Variants in NRG3 observed in about 807,000 individuals in gnomAD.
The protein encoded by NRG3 is pro-neuregulin-3, membrane-bound isoform.
Under a neutral mutation model 66.9 loss-of-function variants are expected in NRG3, and 31 were observed. That is an observed-to-expected ratio of 0.46 (90% CI 0.35 to 0.63). The LOEUF (loss-of-function observed/expected upper bound fraction) is 0.63. Ranked by LOEUF, NRG3 falls within the 20% of genes least tolerant of loss-of-function variation. The pLI is 0.00. For missense variants in NRG3, 910 were observed against 878.9 expected (o/e 1.04, Z -0.45); for synonymous variants, 393 against 359.4 (o/e 1.09, Z -1.06).
chr10:81,978,859 C>A (rs901346751), intron 1 of NRG3, among the ~76,000 whole-genome samples: 5 of 152,004 alleles, frequency 3.3e-5, no homozygotes, highest in African/African-American at 1.2e-4. Flanking sequence ...CCTGGCCCAG[C>A]ATCTTATGTT....
chr10:82,408,747 A>G (rs970055457), intron 2 of NRG3, among the ~76,000 whole-genome samples: 3 of 151,462 alleles, frequency 2.0e-5, no homozygotes, highest in African/African-American at 7.3e-5. Context: ...TATTTATGTA[A>G]GGTAGATACC....
At chr10:82,791,568 A>G (rs1233518528) in intron 3 of NRG3, among the ~76,000 whole-genome samples, 1 of 152,154 alleles carries the variant, frequency 6.6e-6, no homozygotes, top group East Asian at 1.9e-4. Flanking sequence ...AGGATTCAAG[A>G]TCAGACAGAG....
chr10:81,877,664 C>A (rs1841796844), intron 1 of NRG3: 1 of 1,254,982 alleles, frequency 8.0e-7, no homozygotes, highest in Non-Finnish European at 1.0e-6. Flanking sequence ...TGGAAAAAAC[C>A]GTCTAGAAGA....
chr10:82,197,694 A>T lies in NRG3; in HGVS notation c.824-161045A>T, dbSNP rs2074519831. ...ACACCAGATGTTGAAAGAGCATAGG[A>T]AGGACCATGTGATATTTATCTTAAG... is the stretch of plus-strand genomic sequence containing the variant. On this transcript the variant is annotated intron_variant, in intron 1 of 8. Transcript: ENST00000372141. 2.0e-5 allele frequency among the ~76,000 whole-genome samples: 3 copies of T among 152,158 alleles called. No homozygotes were observed. In the South Asian group the frequency reaches 6.2e-4, roughly 32 times the overall value.
At chr10:82,202,571 A>G (rs533727230) in intron 1 of NRG3, among the ~76,000 whole-genome samples, 10 of 152,326 alleles carry the variant, frequency 6.6e-5, no homozygotes, top group African/African-American at 2.4e-4. Context: ...AAATTACACT[A>G]TCAATATTAC....
intron 2 of NRG3, among the ~76,000 whole-genome samples, chr10:82,651,991 C>G (rs1386173617): frequency 6.6e-6 from 1 of 152,210 alleles, no homozygotes; most frequent in Non-Finnish European, 1.5e-5. Context: ...AGGAAGCACA[C>G]AAGTGAGTGA....
intron 4 of NRG3, among the ~76,000 whole-genome samples, chr10:82,929,745 G>T (rs1170235144): frequency 1.3e-5 from 2 of 152,026 alleles, no homozygotes; most frequent in East Asian, 3.9e-4. Context: ...CAGGCATGGT[G>T]GTTGGCACCT....
intron 1 of NRG3, among the ~76,000 whole-genome samples, chr10:82,000,946 T>C (rs1829947516): frequency 1.3e-5 from 2 of 152,204 alleles, no homozygotes; most frequent in South Asian, 4.1e-4. Context: ...TGAATTTGTT[T>C]CAGTTTTTAA....
intron 1 of NRG3, among the ~76,000 whole-genome samples, chr10:81,997,443 G>A (rs2207782): frequency 0.46 from 69,672 of 152,088 alleles, 20,158 homozygotes; most frequent in African/African-American, 0.78. Flanking sequence ...TCACCGCTGA[G>A]GCATCATAGT....
chr10:82,474,551 G>A (rs1256846149), intron 2 of NRG3, among the ~76,000 whole-genome samples: 6 of 152,066 alleles, frequency 3.9e-5, no homozygotes, highest in African/African-American at 1.4e-4. Context: ...CAAGTCATTT[G>A]ACATTATTGA....
chr10:82,104,947 G>A (rs1182301943), intron 1 of NRG3, among the ~76,000 whole-genome samples: 3 of 151,954 alleles, frequency 2.0e-5, no homozygotes, highest in Admixed American at 2.0e-4. Context: ...TTGAGCTGGT[G>A]GTTTTACATG....
At chr10:81,984,022 G>A (rs189926290) in intron 1 of NRG3, among the ~76,000 whole-genome samples, 3 of 152,306 alleles carry the variant, frequency 2.0e-5, no homozygotes, top group Non-Finnish European at 4.4e-5. Flanking sequence ...GATAATGGAA[G>A]CAGAGATAGG....
At chr10:82,648,137 G>C (rs1285622762) in intron 2 of NRG3, among the ~76,000 whole-genome samples, 1 of 151,820 alleles carries the variant, frequency 6.6e-6, no homozygotes, top group Non-Finnish European at 1.5e-5. Flanking sequence ...TATGGTTTTA[G>C]GTCTAACGTT....
chr10:82,350,009 G>A (rs772309180), intron 1 of NRG3, among the ~76,000 whole-genome samples: 5 of 152,222 alleles, frequency 3.3e-5, no homozygotes, highest in Non-Finnish European at 7.4e-5. Flanking sequence ...ATGGAAATGC[G>A]GAAATCACCG....
At chr10:82,233,930 A>G (rs1015249402) in intron 1 of NRG3, among the ~76,000 whole-genome samples, 3 of 152,008 alleles carry the variant, frequency 2.0e-5, no homozygotes, top group Non-Finnish European at 4.4e-5. Flanking sequence ...TGCCACTATC[A>G]CCCTGCACCA....
intron 1 of NRG3, among the ~76,000 whole-genome samples, chr10:82,036,661 G>A (rs972836865): frequency 6.6e-6 from 1 of 152,082 alleles, no homozygotes; most frequent in Non-Finnish European, 1.5e-5. Flanking sequence ...GTATAGTACA[G>A]CATTAACTAT....
chr10:82,450,513 A>T (rs74144259), intron 2 of NRG3, among the ~76,000 whole-genome samples: 2,192 of 152,158 alleles, frequency 0.014, 50 homozygotes, highest in African/African-American at 0.05. Flanking sequence ...GCTCTTTTTG[A>T]TGTTGTGTTC....
rs2082210399 is a variant in NRG3 at position 82,332,983 on chromosome 10, CAGAA to C, written c.824-25753_824-25750del. Among the ~76,000 whole-genome samples, 3 of 152,306 alleles carry C rather than the reference CAGAA, an allele frequency of 2.0e-5. No individual in the cohort carries two copies. The South Asian group carries it at 6.2e-4, about 32-fold the overall frequency. ...TTTTCTACTTATATAGCTGATCACA[CAGAA>C]AGGATCAACAATCGAGTTTTTGAAC... On this transcript the variant is annotated intron_variant, in intron 1 of 8. Coordinates refer to ENST00000372141, the MANE Select transcript of NRG3 (RefSeq NM_001010848.4).
intron 2 of NRG3, among the ~76,000 whole-genome samples, chr10:82,395,634 A>G (rs970800754): frequency 6.6e-6 from 1 of 152,034 alleles, no homozygotes; most frequent in Non-Finnish European, 1.5e-5. Context: ...TCCATCATTC[A>G]TCCATCCATC....
Sources: allele counts gnomAD v4.1 joint callset (sites outside exome capture counted in the v4.1 genomes callset), GRCh38; gene constraint gnomAD v4.1.1; transcripts MANE v1.5; gene names NCBI Gene and HGNC (gene_info 2026-07-23, HGNC 2026-07-21).